GKAP1: variants seen among roughly 807,000 people sequenced by gnomAD.
The protein encoded by GKAP1 is G kinase anchoring protein 1, also known as G kinase-anchoring protein 1.
A neutral mutation model predicts 56.7 loss-of-function variants in GKAP1; 31 were observed. The observed-to-expected ratio is 0.55, with a 90% CI of 0.41 to 0.74. The LOEUF (loss-of-function observed/expected upper bound fraction) is 0.74. Among genes scored for constraint, GKAP1 ranks in the 30% least tolerant of loss-of-function variants. The probability of loss-of-function intolerance (pLI) is 0.00; values close to 1 mark genes in which losing one functional copy is unlikely to be tolerated. For missense variants in GKAP1, 364 were observed against 402.3 expected, an observed-to-expected ratio of 0.90 and a Z score of 0.82; for synonymous variants, 151 against 138.6, an observed-to-expected ratio of 1.09 and a Z score of -0.63.
At chr9:83,784,975 T>C (rs1219922889) in intron 5 of GKAP1, 137 bp from the exon 6 acceptor site, 9 of 563,470 alleles carry the variant, frequency 1.6e-5, no homozygotes, top group African/African-American at 1.5e-4. Flanking sequence ...GCTAGCCAAA[T>C]TGTATAAAGA....
chr9:83,744,828 A>G (rs868754277), intron 10 of GKAP1, among the ~76,000 whole-genome samples: 57 of 152,206 alleles, frequency 3.7e-4, no homozygotes, highest in African/African-American at 1.2e-3. Context: ...ACTTACAATC[A>G]TAGTAGAAGG....
At chr9:83,755,799 C>CAT (rs1943465176) in intron 8 of GKAP1, among the ~76,000 whole-genome samples, 1 of 124,442 alleles carries the variant, frequency 8.0e-6, no homozygotes, top group African/African-American at 3.1e-5. Flanking sequence ...CAAACTGGTA[C>CAT]TTTTTTTTTT....
chr9:83,779,492 C>A (rs1943923581), intron 7 of GKAP1, among the ~76,000 whole-genome samples: 1 of 111,938 alleles, frequency 8.9e-6, no homozygotes, highest in Non-Finnish European at 2.0e-5. Flanking sequence ...TACATATATA[C>A]ACATATACAC....
rs150515321 is a variant in GKAP1 at position 83,746,635 on chromosome 9, G to A, written c.904+1674C>T. 4.0e-4 allele frequency among the ~76,000 whole-genome samples: 61 copies of A among 152,126 alleles called. 1 individual carries two copies. Among genetic ancestry groups the A allele is most frequent in the Non-Finnish European group, 7.1e-4 (48 of 68,002 alleles). On this transcript the variant is annotated intron_variant, in intron 10 of 12. Coordinates refer to ENST00000376371, the MANE Select transcript of GKAP1 (RefSeq NM_025211.4). ...GGAGAACAGTGTGAACCTGGGAGGC[G>A]GAGCTTGCAGTGAGCGCCACCACAC...
rs1944438510 is a variant in GKAP1 at position 83,806,288 on chromosome 9, G to T, written c.216+14C>A. The T allele has an allele frequency of 2.7e-6, 4 of 1,482,142 alleles. No individual in the cohort carries two copies. In the South Asian group the frequency reaches 4.8e-5, roughly 18 times the overall value. The allele number at this position is 1,482,142 out of a possible 1,614,324, so 91.8% of individuals were successfully genotyped here. ...ATCTACTGGGAAAGCAGACAACACAGATAATTGTGTTACCTCATTTGCTTC... is the reference window on the plus strand; with the variant it reads ...ATCTACTGGGAAAGCAGACAACACATATAATTGTGTTACCTCATTTGCTTC... On this transcript the variant is annotated intron_variant, in intron 3 of 12. Transcript: ENST00000376371.
chr9:83,748,518 C>T (rs1056232222), intron 9 of GKAP1, 146 bp from the exon 10 acceptor site: 8 of 486,042 alleles, frequency 1.6e-5, no homozygotes, highest in African/African-American at 6.0e-5. Flanking sequence ...AAAATGTATT[C>T]GGAACTATCT....
chr9:83,814,417 A>G (rs1216412113), intron 2 of GKAP1, among the ~76,000 whole-genome samples: 1 of 152,218 alleles, frequency 6.6e-6, no homozygotes, highest in African/African-American at 2.4e-5. Flanking sequence ...AGGTGCTAGC[A>G]TATCTATGAA....
chr9:83,799,119 G>T, intron 4 of GKAP1, 66 bp downstream of exon 4: 1 of 1,327,260 alleles, frequency 7.5e-7, no homozygotes. Context: ...GAATTCAGAG[G>T]CACTGCCATG....
chr9:83,770,170 G>T (rs1010091537), intron 7 of GKAP1, among the ~76,000 whole-genome samples: 1 of 152,068 alleles, frequency 6.6e-6, no homozygotes. Flanking sequence ...ATTCTTGATG[G>T]TATTCTTTGT....
At chr9:83,796,541 G>T (rs1479209808) in intron 4 of GKAP1, among the ~76,000 whole-genome samples, 10 of 152,010 alleles carry the variant, frequency 6.6e-5, no homozygotes, top group Admixed American at 4.6e-4. Flanking sequence ...CACAATCTTG[G>T]CTCACAACCT....
chr9:83,804,267 C>A (rs1268590069), intron 3 of GKAP1, among the ~76,000 whole-genome samples: 22 of 147,064 alleles, frequency 1.5e-4, no homozygotes, highest in Admixed American at 2.7e-4. Context: ...CAGCCCCCCG[C>A]CCGGCCAGCC....
chr9:83,814,335 T>C (rs1587748101), intron 2 of GKAP1, among the ~76,000 whole-genome samples: 1 of 152,232 alleles, frequency 6.6e-6, no homozygotes, highest in African/African-American at 2.4e-5. Context: ...TTAACTATGC[T>C]GTTCTCTTTT....
chr9:83,806,902 T>A (rs373755978), intron 2 of GKAP1, among the ~76,000 whole-genome samples: 4 of 152,126 alleles, frequency 2.6e-5, no homozygotes, highest in East Asian at 1.9e-4. Context: ...GAAAAGAATA[T>A]CATTTTTTCA....
intron 8 of GKAP1, among the ~76,000 whole-genome samples, chr9:83,768,134 GA>G (rs1232627060): frequency 6.6e-6 from 1 of 152,164 alleles, no homozygotes; most frequent in Admixed American, 6.6e-5. Flanking sequence ...TAGTTTCACA[GA>G]AAAGACATTT....
intron 7 of GKAP1, among the ~76,000 whole-genome samples, chr9:83,770,956 A>G (rs1158058992): frequency 6.6e-6 from 1 of 152,220 alleles, no homozygotes; most frequent in Non-Finnish European, 1.5e-5. Context: ...CCAATTATAT[A>G]TTAGAAATTT....
chr9:83,763,175 C>A (rs1943603586), intron 8 of GKAP1, among the ~76,000 whole-genome samples: 1 of 152,068 alleles, frequency 6.6e-6, no homozygotes, highest in African/African-American at 2.4e-5. Context: ...GTGAAATAAG[C>A]CAGGCACAGA....
chr9:83,770,734 T>C (rs1195065922), intron 7 of GKAP1, among the ~76,000 whole-genome samples: 1 of 152,108 alleles, frequency 6.6e-6, no homozygotes, highest in East Asian at 1.9e-4. Flanking sequence ...GGTAATTTAG[T>C]ATTTTAGTAG....
At chr9:83,778,386 T>G (rs1307118424) in intron 7 of GKAP1, among the ~76,000 whole-genome samples, 1 of 152,142 alleles carries the variant, frequency 6.6e-6, no homozygotes, top group Non-Finnish European at 1.5e-5. Context: ...TGAGACTGTG[T>G]CCTCTGCAGG....
intron 3 of GKAP1, among the ~76,000 whole-genome samples, chr9:83,801,385 A>T (rs1587736039): frequency 7.2e-6 from 1 of 138,064 alleles, no homozygotes; most frequent in African/African-American, 2.9e-5. Flanking sequence ...GTTTTAAGCC[A>T]CCAAGTTTGT....
Sources: gnomAD v4.1 joint callset for allele counts (sites outside exome capture counted in the v4.1 genomes callset) on GRCh38, gnomAD v4.1.1 for gene constraint, MANE v1.5 for transcripts, NCBI Gene and HGNC (gene_info 2026-07-23, HGNC 2026-07-21) for gene names.